The following RNASEH2B variants were observed in gnomAD, a reference collection of about 807,000 sequenced individuals.
RNASEH2B encodes ribonuclease H2 subunit B.
In RNASEH2B, 36 loss-of-function variants were observed where a neutral mutation model predicts 45.0. That is an observed-to-expected ratio of 0.80 (90% CI 0.61 to 1.06). The LOEUF is 1.06. Among genes scored for constraint, RNASEH2B ranks in the 50% least tolerant of loss-of-function variants. The pLI, the probability that RNASEH2B is intolerant of heterozygous loss-of-function variation, is 0.00. For missense variants in RNASEH2B, 361 were observed against 360.3 expected (o/e 1.00, Z -0.02); for synonymous variants, 119 against 125.7 (o/e 0.95, Z 0.35).
At chr13:50,966,426 G>A (rs2138043969) in intron 9 of RNASEH2B, among the ~76,000 whole-genome samples, 1 of 152,178 alleles carries the variant, frequency 6.6e-6, no homozygotes, top group East Asian at 1.9e-4. Flanking sequence ...AATGTGCCAA[G>A]TTTGGGAAAG....
At chr13:50,930,568 A>T (rs1951665624) in intron 3 of RNASEH2B, 115 bp from the exon 4 acceptor site, 3 of 812,828 alleles carry the variant, frequency 3.7e-6, no homozygotes, top group Non-Finnish European at 6.5e-6. Flanking sequence ...AGAGATTTGA[A>T]TTTGGAATTT....
chr13:50,910,103 C>CG lies in RNASEH2B; in HGVS notation c.31dup (p.Val11GlyfsTer32). Reference sequence around the variant, plus strand: ...TGGCCGCTGGCGTGGACTGCGGGGACGGGGTTGGCGCCCGGCAGCACGTGT... The same window carrying CG: ...TGGCCGCTGGCGTGGACTGCGGGGACGGGGGTTGGCGCCCGGCAGCACGTGT... On this transcript the variant is annotated frameshift_variant, in exon 1 of 11. Transcript: ENST00000336617. LOFTEE classifies it high-confidence loss of function. 2.7e-6 allele frequency: 4 copies of CG among 1,456,506 alleles called. No homozygotes were observed. Among genetic ancestry groups the CG allele is most frequent in the Non-Finnish European group, 3.6e-6 (4 of 1,106,810 alleles). The allele number at this position is 1,456,506 out of a possible 1,614,324, so 90.2% of individuals were successfully genotyped here. A position where few individuals can be genotyped will look rare whatever the true frequency, so the allele number is the denominator to read the frequency against.
At chr13:50,965,055 T>C (rs1444805516) in intron 9 of RNASEH2B, among the ~76,000 whole-genome samples, 1 of 152,218 alleles carries the variant, frequency 6.6e-6, no homozygotes, top group Non-Finnish European at 1.5e-5. Context: ...AATGGTTTGA[T>C]TGATGGCAGA....
At chr13:50,969,534 A>AAAG (rs1952200361) in intron 9 of RNASEH2B, among the ~76,000 whole-genome samples, 2 of 151,892 alleles carry the variant, frequency 1.3e-5, no homozygotes, top group Admixed American at 1.3e-4. Context: ...AAAAAAAAAA[A>AAAG]AAAAGAAAAA....
chr13:50,945,666 G>T (rs1330141317), intron 7 of RNASEH2B, 134 bp downstream of exon 7: 4 of 687,038 alleles, frequency 5.8e-6, no homozygotes, highest in Non-Finnish European at 1.1e-5. Context: ...ACACATTGTG[G>T]CAGGTGTGCA....
exon 10 of RNASEH2B, chr13:50,970,441 ACATT>A (rs1952210256): frequency 4.7e-6 from 1 of 210,606 alleles, no homozygotes; most frequent in Admixed American, 6.0e-5. Context: ...GAGTTATTAA[ACATT>A]TCTTCCTTTT....
intron 8 of RNASEH2B, chr13:50,948,285 T>C: frequency 1.5e-6 from 1 of 665,106 alleles, no homozygotes; most frequent in Non-Finnish European, 2.3e-6. Flanking sequence ...AATGTCAAGA[T>C]TGGAATTATG....
intron 3 of RNASEH2B, among the ~76,000 whole-genome samples, chr13:50,930,351 CTG>C (rs962837587): frequency 2.6e-5 from 4 of 152,186 alleles, no homozygotes; most frequent in Non-Finnish European, 4.4e-5. Context: ...CTCATTCTGT[CTG>C]TGCTTCCTCC....
At chr13:50,937,326 A>G (rs1459743798) in intron 5 of RNASEH2B, 3 of 152,090 alleles carry the variant, frequency 2.0e-5, no homozygotes, top group African/African-American at 7.2e-5. Flanking sequence ...GGCTCAAGCA[A>G]TCTTCCTACC....
intron 9 of RNASEH2B, chr13:50,953,623 C>T: frequency 4.2e-6 from 2 of 476,640 alleles, no homozygotes; most frequent in South Asian, 5.2e-5. Context: ...ACACCTGGCA[C>T]CTACAAAGCC....
chr13:50,935,243 C>G (rs933137371), intron 5 of RNASEH2B: 1 of 511,354 alleles, frequency 2.0e-6, no homozygotes, highest in Middle Eastern at 5.3e-4. Context: ...GGTGTGGCTT[C>G]AGTCTCACTT....
intron 1 of RNASEH2B, chr13:50,915,262 C>G (rs1879676386): frequency 5.0e-6 from 2 of 396,202 alleles, no homozygotes; most frequent in Non-Finnish European, 8.9e-6. Context: ...CCAAATTCTA[C>G]CCTTTCCTCA....
chr13:50,934,999 G>T lies in RNASEH2B; in HGVS notation c.436G>T (p.Gly146Cys). Residue 146 changes from glycine (G) to cysteine (C), a missense_variant and splice_region_variant, in exon 5 of 11, where the codon GGT becomes TGT. Coordinates refer to ENST00000336617, the MANE Select transcript of RNASEH2B (RefSeq NM_024570.4). The part of the protein sequence containing the change: ...KLLHHVTEEK[G>C]NPEIDNKKYY... ...ACTTCATCATGTGACAGAGGAAAAA[G>T]GTATGGTATAACTTAAAGGCTTATG... 1 of 1,599,210 alleles carries T rather than the reference G, an allele frequency of 6.3e-7. No homozygotes were observed. Among genetic ancestry groups the T allele is most frequent in the Non-Finnish European group, 8.6e-7 (1 of 1,166,622 alleles).
intron 3 of RNASEH2B, among the ~76,000 whole-genome samples, chr13:50,930,319 G>C (rs1951661148): frequency 6.6e-6 from 1 of 152,172 alleles, no homozygotes; most frequent in Admixed American, 6.5e-5. Flanking sequence ...TGACGATACA[G>C]GTTCCCTAAC....
chr13:50,956,608 ATTTGGTT>A lies in RNASEH2B; in HGVS notation c.*139_*145del. 4.1e-6 allele frequency: 6 copies of A among 1,474,842 alleles called. No homozygotes were observed. Among genetic ancestry groups the A allele is most frequent in the Non-Finnish European group, 5.4e-6 (6 of 1,109,422 alleles). The allele number at this position is 1,474,842 out of a possible 1,614,324, so 91.4% of individuals were successfully genotyped here. A position where few individuals can be genotyped will look rare whatever the true frequency, so the allele number is the denominator to read the frequency against. On this transcript the variant is annotated 3_prime_UTR_variant, in exon 11 of 11. Coordinates refer to ENST00000336617, the MANE Select transcript of RNASEH2B (RefSeq NM_024570.4). ...CATGTTCTCTTAAACATTTCTTTGC[ATTTGGTT>A]TTTGTGTTCCTGAACAAAATATGGG...
chr13:50,914,679 G>T (rs1186484184), intron 1 of RNASEH2B, among the ~76,000 whole-genome samples: 1 of 152,198 alleles, frequency 6.6e-6, no homozygotes, highest in East Asian at 1.9e-4. Flanking sequence ...TCAGTTGCCA[G>T]TTGGTGTAAT....
chr13:50,940,631 T>G (rs1951822863), intron 5 of RNASEH2B, among the ~76,000 whole-genome samples: 1 of 151,992 alleles, frequency 6.6e-6, no homozygotes, highest in Non-Finnish European at 1.5e-5. Flanking sequence ...GAGAGTGGTG[T>G]AGGAGGAAGA....
At chr13:50,962,130 A>G (rs1952118162) in intron 9 of RNASEH2B, among the ~76,000 whole-genome samples, 1 of 151,920 alleles carries the variant, frequency 6.6e-6, no homozygotes. Context: ...ACTTTTTTGT[A>G]TCTCTGTTCA....
chr13:50,936,154 A>G (rs1951748941), intron 5 of RNASEH2B: 1 of 152,276 alleles, frequency 6.6e-6, no homozygotes, highest in African/African-American at 2.4e-5. Context: ...TTTCACTATC[A>G]TTCATTTAAT....
Sources: gnomAD v4.1 joint callset for allele counts (sites outside exome capture counted in the v4.1 genomes callset) on GRCh38, gnomAD v4.1.1 for gene constraint, MANE v1.5 for transcripts, NCBI Gene and HGNC (gene_info 2026-07-23, HGNC 2026-07-21) for gene names.